XKR9: variants seen among roughly 807,000 people sequenced by gnomAD.
XKR9 encodes XK-related protein 9.
XKR9 carries 32 observed loss-of-function variants against 32.0 expected under a neutral mutation model. The observed-to-expected ratio is 1.00, with a 90% CI of 0.76 to 1.34. The LOEUF (loss-of-function observed/expected upper bound fraction) is 1.34. Ranked by LOEUF, XKR9 falls within the 40% of genes most tolerant of loss-of-function variation. The pLI is 0.00. For missense variants in XKR9, 546 were observed against 429.7 expected, an observed-to-expected ratio of 1.27 and a Z score of -2.39; for synonymous variants, 168 against 143.4, an observed-to-expected ratio of 1.17 and a Z score of -1.22.
At chr8:71,024,717 A>G in the XKR9 span, among the ~76,000 whole-genome samples, 1 of 152,106 alleles carries the variant, frequency 6.6e-6, no homozygotes, top group Non-Finnish European at 1.5e-5. Flanking sequence ...CCCACTTACC[A>G]CTGGACATCT....
At chr8:70,906,262 T>A in the XKR9 span, among the ~76,000 whole-genome samples, 1 of 152,376 alleles carries the variant, frequency 6.6e-6, no homozygotes, top group African/African-American at 2.4e-5. Flanking sequence ...CTCCTTGAGC[T>A]GCGGTGGCCT....
chr8:70,693,467 G>T (rs1412710732), intron 3 of XKR9, among the ~76,000 whole-genome samples: 3 of 152,126 alleles, frequency 2.0e-5, no homozygotes, highest in Non-Finnish European at 4.4e-5. Context: ...GAAAGTATAG[G>T]TTCCTCTCTC....
the XKR9 span, among the ~76,000 whole-genome samples, chr8:70,986,807 G>A: frequency 2.0e-5 from 3 of 152,134 alleles, no homozygotes; most frequent in East Asian, 1.9e-4. Context: ...GTCTTTGTCC[G>A]TTTTCACACT....
the XKR9 span, among the ~76,000 whole-genome samples, chr8:70,940,626 G>C: frequency 6.6e-6 from 1 of 152,016 alleles, no homozygotes; most frequent in Non-Finnish European, 1.5e-5. Context: ...TTTTGCCTCT[G>C]TTTCTCTCAG....
the XKR9 span, among the ~76,000 whole-genome samples, chr8:70,996,156 CAT>C: frequency 4.6e-5 from 7 of 152,196 alleles, no homozygotes; most frequent in African/African-American, 9.7e-5. Context: ...AGTTTATTAA[CAT>C]GTGATGTATG....
the XKR9 span, among the ~76,000 whole-genome samples, chr8:70,828,720 C>CA: frequency 3.4e-4 from 28 of 81,260 alleles, no homozygotes; most frequent in South Asian, 1.7e-3. Flanking sequence ...GACTATGTCT[C>CA]AAAAAAAAAG....
the XKR9 span, among the ~76,000 whole-genome samples, chr8:71,035,704 T>C: frequency 1.3e-5 from 2 of 152,194 alleles, no homozygotes; most frequent in South Asian, 4.1e-4. Flanking sequence ...CAATTGTTTA[T>C]TAGCACTGAC....
the XKR9 span, among the ~76,000 whole-genome samples, chr8:70,905,430 A>G: frequency 2.0e-5 from 3 of 152,312 alleles, no homozygotes; most frequent in African/African-American, 7.2e-5. Flanking sequence ...AATCTTGTGC[A>G]TGCCTCACGT....
chr8:70,687,436 C>G (rs540813023), intron 3 of XKR9, among the ~76,000 whole-genome samples: 32 of 150,786 alleles, frequency 2.1e-4, no homozygotes, highest in African/African-American at 7.3e-4. Context: ...ACAGGCTCAT[C>G]ATAGCTCATT....
the XKR9 span, among the ~76,000 whole-genome samples, chr8:70,974,120 T>A: frequency 1.3e-5 from 2 of 151,962 alleles, no homozygotes; most frequent in African/African-American, 4.8e-5. Flanking sequence ...CTAGTAGTAA[T>A]TTTTTTTATA....
the XKR9 span, among the ~76,000 whole-genome samples, chr8:71,061,319 G>C: frequency 8.6e-5 from 13 of 152,036 alleles, no homozygotes; most frequent in Non-Finnish European, 1.9e-4. Flanking sequence ...ATGACATACG[G>C]GCCTTCGGAC....
the XKR9 span, among the ~76,000 whole-genome samples, chr8:70,885,478 C>A: frequency 2.6e-5 from 4 of 152,122 alleles, no homozygotes; most frequent in Non-Finnish European, 5.9e-5. Flanking sequence ...TATACATGTG[C>A]CATGGAGGTT....
chr8:70,942,552 T>C, the XKR9 span, among the ~76,000 whole-genome samples: 1,015 of 152,258 alleles, frequency 6.7e-3, 9 homozygotes, highest in African/African-American at 0.023. Flanking sequence ...GCCCATTTCA[T>C]GATTTTAAAA....
chr8:71,012,436 A>C, the XKR9 span, among the ~76,000 whole-genome samples: 1 of 152,190 alleles, frequency 6.6e-6, no homozygotes, highest in African/African-American at 2.4e-5. Flanking sequence ...GTGCACCATT[A>C]ACTTAACTGC....
chr8:70,774,632 A>C (rs913651463), intron 2 of XKR9, among the ~76,000 whole-genome samples: 2 of 152,084 alleles, frequency 1.3e-5, no homozygotes, highest in African/African-American at 4.8e-5. Flanking sequence ...ATGGATTTCC[A>C]GTTGTTCCAG....
chr8:70,732,106 C>T (rs1008456432), intron 4 of XKR9, among the ~76,000 whole-genome samples: 22 of 151,994 alleles, frequency 1.4e-4, no homozygotes, highest in Non-Finnish European at 1.5e-5. Context: ...CAAACCAAGA[C>T]CCCCGAAGGA....
chr8:70,969,105 T>C, the XKR9 span, among the ~76,000 whole-genome samples: 1 of 152,178 alleles, frequency 6.6e-6, no homozygotes, highest in Non-Finnish European at 1.5e-5. Context: ...CATATTCCTT[T>C]TGGAAAGCCA....
At chr8:70,933,183 G>A in the XKR9 span, among the ~76,000 whole-genome samples, 1 of 152,088 alleles carries the variant, frequency 6.6e-6, no homozygotes, top group Non-Finnish European at 1.5e-5. Flanking sequence ...GAACATAGGG[G>A]CTGGTGTGAA....
At chr8:70,780,815 T>A (rs988530825) in intron 2 of XKR9, 1 of 152,174 alleles carries the variant, frequency 6.6e-6, no homozygotes, top group Non-Finnish European at 1.5e-5. Context: ...CACTGGTGCC[T>A]GCATCATATT....
Sources: gnomAD v4.1 joint callset for allele counts (sites outside exome capture counted in the v4.1 genomes callset) on GRCh38, gnomAD v4.1.1 for gene constraint, MANE v1.5 for transcripts, NCBI Gene and HGNC (gene_info 2026-07-23, HGNC 2026-07-21) for gene names.